The following FAM184A variants were observed in gnomAD, a reference collection of about 807,000 sequenced individuals.
FAM184A encodes the protein family with sequence similarity 184 member A.
In FAM184A, 99 loss-of-function variants were observed where a neutral mutation model predicts 143.8. The observed-to-expected ratio is 0.69, with a 90% CI of 0.58 to 0.81. FAM184A has a LOEUF of 0.81. Among genes scored for constraint, FAM184A ranks in the 40% least tolerant of loss-of-function variants. The pLI, the probability that FAM184A is intolerant of heterozygous loss-of-function variation, is 0.00. For synonymous variants in FAM184A, 427 were observed against 446.4 expected, an observed-to-expected ratio of 0.96 and a Z score of 0.55; for missense variants, 1,217 against 1,310.5, an observed-to-expected ratio of 0.93 and a Z score of 1.10.
chr6:119,124,403 C>T (rs1386522861), intron 1 of FAM184A, among the ~76,000 whole-genome samples: 1 of 152,130 alleles, frequency 6.6e-6, no homozygotes, highest in Non-Finnish European at 1.5e-5. Context: ...TATAAGGCAT[C>T]TCTTAAATGT....
rs775749960 is a variant in FAM184A, at chr6:118,974,489, G to A, written c.2854C>T (p.Arg952Trp). Residue 952 changes from arginine to tryptophan, a missense_variant, in exon 14 of 18, where the codon CGG becomes TGG. Coordinates refer to ENST00000338891, the MANE Select transcript of FAM184A (RefSeq NM_024581.6). Reference protein sequence around the residue: ...ADHLREKNIMRADFNKTNELL... With the variant: ...ADHLREKNIMWADFNKTNELL... Reference sequence around the variant, plus strand: ...TCGTTAGTCTTATTAAAATCTGCCCGCATGATATTTTTCTCTCTGAGGTGG... The same window carrying A: ...TCGTTAGTCTTATTAAAATCTGCCCACATGATATTTTTCTCTCTGAGGTGG... 1.1e-5 allele frequency: 18 copies of A among 1,611,932 alleles called. No individual in the cohort carries two copies. The African/African-American group carries it at 1.5e-4, about 13-fold the overall frequency.
rs560571031 is a variant in FAM184A at position 118,989,672 on chromosome 6, CTAGT to C, written c.2089-9326_2089-9323del. On this transcript the variant is annotated intron_variant, in intron 9 of 17. Transcript: ENST00000338891. The stretch of plus-strand genomic sequence containing the variant: ...CTTTCTCATGCTTTTATGTACATCA[CTAGT>C]TAATTTTACTTTTTACTTTATTCTT... Among the ~76,000 whole-genome samples, 725 of 148,158 alleles carry C rather than the reference CTAGT, an allele frequency of 4.9e-3. 3 individuals are homozygous for C. Among genetic ancestry groups the C allele is most frequent in the Non-Finnish European group, 9.2e-3 (605 of 66,070 alleles).
intron 1 of FAM184A, among the ~76,000 whole-genome samples, chr6:119,062,519 T>A (rs866194157): frequency 4.4e-4 from 67 of 151,822 alleles, no homozygotes; most frequent in African/African-American, 1.5e-3. Context: ...ATTAGCCGGG[T>A]GTGGTGGTGT....
intron 1 of FAM184A, among the ~76,000 whole-genome samples, chr6:119,043,475 C>G (rs1322801920): frequency 2.6e-5 from 4 of 152,132 alleles, no homozygotes; most frequent in Non-Finnish European, 5.9e-5. Context: ...ACAAGAAAAA[C>G]TGTTTACTGG....
At chr6:118,961,723 AAAAG>A in intron 17 of FAM184A, 34 bp downstream of exon 17, 1 of 1,548,366 alleles carries the variant, frequency 6.5e-7, no homozygotes, top group South Asian at 1.2e-5. Flanking sequence ...CTCAAGTTAA[AAAAG>A]AAAAGAAAAA....
At chr6:118,978,441 A>G (rs1783913226) in intron 11 of FAM184A, among the ~76,000 whole-genome samples, 1 of 152,228 alleles carries the variant, frequency 6.6e-6, no homozygotes, top group African/African-American at 2.4e-5. Flanking sequence ...GTGCAAAGAC[A>G]GGGCAGTAGT....
chr6:119,090,002 C>A (rs1788327554), intron 1 of FAM184A, among the ~76,000 whole-genome samples: 1 of 152,052 alleles, frequency 6.6e-6, no homozygotes, highest in Admixed American at 6.6e-5. Flanking sequence ...TTTTCTCAAC[C>A]AACACTATCA....
chr6:119,054,559 T>C (rs1582560821), intron 1 of FAM184A, among the ~76,000 whole-genome samples: 1 of 152,164 alleles, frequency 6.6e-6, no homozygotes, highest in African/African-American at 2.4e-5. Flanking sequence ...ACCTCTTAAT[T>C]CTATTACACT....
intron 1 of FAM184A, among the ~76,000 whole-genome samples, chr6:119,141,178 T>TA (rs1215933721): frequency 6.6e-6 from 1 of 152,264 alleles, no homozygotes; most frequent in Non-Finnish European, 1.5e-5. Flanking sequence ...CCAGAGAGCA[T>TA]AAAATAACAA....
At chr6:119,098,820 G>A (rs1298016532) in intron 1 of FAM184A, among the ~76,000 whole-genome samples, 1 of 152,174 alleles carries the variant, frequency 6.6e-6, no homozygotes, top group Non-Finnish European at 1.5e-5. Flanking sequence ...AAACAACTCA[G>A]GTACATGTGT....
At chr6:119,124,495 T>A (rs1789304596) in intron 1 of FAM184A, among the ~76,000 whole-genome samples, 1 of 152,178 alleles carries the variant, frequency 6.6e-6, no homozygotes, top group Admixed American at 6.5e-5. Flanking sequence ...TTTAAAAATC[T>A]ACATTTATTT....
intron 9 of FAM184A, among the ~76,000 whole-genome samples, chr6:118,991,999 C>T (rs1468661826): frequency 6.6e-6 from 1 of 151,364 alleles, no homozygotes; most frequent in Non-Finnish European, 1.5e-5. Flanking sequence ...CTCCTGACCT[C>T]GTGATCCGCC....
At chr6:119,050,391 G>A (rs954576367) in intron 1 of FAM184A, among the ~76,000 whole-genome samples, 3 of 151,740 alleles carry the variant, frequency 2.0e-5, no homozygotes, top group Non-Finnish European at 2.9e-5. Flanking sequence ...TGTTCACTGC[G>A]GCACTATTCA....
chr6:119,022,921 A>G, intron 3 of FAM184A, 24 bp downstream of exon 3: 1 of 1,613,674 alleles, frequency 6.2e-7, no homozygotes, highest in Non-Finnish European at 8.5e-7. Context: ...TAAGCATTAC[A>G]TCAAAAACTG....
At chr6:119,137,354 G>A (rs896612418) in intron 1 of FAM184A, among the ~76,000 whole-genome samples, 5 of 152,048 alleles carry the variant, frequency 3.3e-5, no homozygotes, top group African/African-American at 9.7e-5. Flanking sequence ...GAGAGGAAGA[G>A]CTCTTTCTCC....
intron 1 of FAM184A, chr6:119,069,133 T>C: frequency 3.1e-6 from 1 of 321,484 alleles, no homozygotes; most frequent in Non-Finnish European, 7.0e-6. Flanking sequence ...CCAACCTAAA[T>C]ATATAGTCTG....
At chr6:119,049,896 C>T (rs964344715) in intron 1 of FAM184A, among the ~76,000 whole-genome samples, 3 of 152,280 alleles carry the variant, frequency 2.0e-5, no homozygotes, top group Admixed American at 1.3e-4. Flanking sequence ...AGTGAACAAG[C>T]AACCTACAGA....
At chr6:119,023,860 C>A in intron 2 of FAM184A, 99 bp downstream of exon 2, 1 of 930,640 alleles carries the variant, frequency 1.1e-6, no homozygotes, top group Non-Finnish European at 1.5e-6. Context: ...TGGTGTGAAG[C>A]CACTGATTCT....
Position 119,006,495 on chromosome 6 carries a change from C to A in FAM184A, c.1767G>T (p.Leu589Phe), listed in dbSNP as rs1784923837. 1.2e-6 allele frequency: 2 copies of A among 1,613,886 alleles called. No homozygotes were observed. Among genetic ancestry groups the A allele is most frequent in the East Asian group, 4.5e-5 (2 of 44,872 alleles). The change falls in exon 7 of 18, where the codon TTG becomes TTT. Residue 589 changes from leucine (L) to phenylalanine (F), a missense_variant. Transcript: ENST00000338891. ...TGGTCTCCTTTAGGCTGTCTTTAGT[C>A]AAGTCAAGCTCATTCTGAAGCCTTT... is the stretch of plus-strand genomic sequence containing the variant. ...SQERLQNELD[L>F]TKDSLKETKD...
Sources: allele counts gnomAD v4.1 joint callset (sites outside exome capture counted in the v4.1 genomes callset), GRCh38; gene constraint gnomAD v4.1.1; transcripts MANE v1.5; gene names NCBI Gene and HGNC (gene_info 2026-07-23, HGNC 2026-07-21).